RERE: variants seen among roughly 807,000 people sequenced by gnomAD.
RERE encodes arginine-glutamic acid dipeptide repeats protein.
In RERE, 40 loss-of-function variants were observed where a neutral mutation model predicts 146.1. The ratio of observed to expected loss-of-function variants is 0.27; its 90% CI spans 0.21 to 0.36. The LOEUF is 0.36. Ranked by LOEUF, RERE falls within the 10% of genes least tolerant of loss-of-function variation. RERE has a pLI of 1.00. For synonymous variants in RERE, 1,003 were observed against 866.0 expected, an observed-to-expected ratio of 1.16 and a Z score of -2.78; for missense variants, 1,933 against 2,138.7, an observed-to-expected ratio of 0.90 and a Z score of 1.90.
chr1:8,399,764 G>A lies in RERE; in HGVS notation c.1284+22963C>T, dbSNP rs951901497. Among the ~76,000 whole-genome samples the A allele has an allele frequency of 5.3e-5, 8 of 150,978 alleles. No homozygotes were observed. In the East Asian group the frequency reaches 5.8e-4, roughly 11 times the overall value. ...GCGCATCATCTCTCCATTTATCTAC[G>A]TCTTTTTTTTAGGTCTTTTAATATT... On this transcript the variant is annotated intron_variant, in intron 12 of 22. Transcript: ENST00000400908.
chr1:8,449,064 G>A (rs949785411), intron 11 of RERE, among the ~76,000 whole-genome samples: 3 of 152,186 alleles, frequency 2.0e-5, no homozygotes, highest in Non-Finnish European at 2.9e-5. Context: ...TTCTTCCCAG[G>A]CTGGTGGAAG....
Position 8,360,263 on chromosome 1 carries a change from C to A in RERE, c.3244G>T (p.Gly1082Trp), listed in dbSNP as rs1363529168. 6.4e-7 allele frequency: 1 copy of A among 1,572,948 alleles called. No individual in the cohort carries two copies. Among genetic ancestry groups the A allele is most frequent in the Non-Finnish European group, 8.6e-7 (1 of 1,160,516 alleles). Residue 1082 changes from glycine to tryptophan, a missense_variant, in exon 18 of 23, where the codon GGG becomes TGG. By Grantham distance (184) the Gly-to-Trp change is radical (BLOSUM62 -2). Transcript: ENST00000400908. ...GTGGGGAGTGGGCAGGACGACCCCC[C>A]CGCTATGCTGCCTCCTGAAGCCGCC... ...GAAASGGSIA[G>W]GSSCPLPTVQ...
intron 1 of RERE, among the ~76,000 whole-genome samples, chr1:8,671,366 G>A (rs1256344198): frequency 6.6e-6 from 1 of 152,164 alleles, no homozygotes; most frequent in African/African-American, 2.4e-5. Context: ...GTCTACATAG[G>A]AAACGGGTGC....
At position 8,775,108 on chromosome 1, in the gene RERE, ACG is replaced by A. The variant is rs1203980035; in HGVS notation, c.-145+42050_-145+42051del. ...CCCAAGTAGCTGGGATTACAGGCGC[ACG>A]CCACCACGCCCGGCTAATTTTTGTA... On this transcript the variant is annotated intron_variant, in intron 1 of 22. Transcript: ENST00000400908. 2.6e-5 allele frequency among the ~76,000 whole-genome samples: 4 copies of A among 150,992 alleles called. No homozygotes were observed. The East Asian group carries it at 7.8e-4, about 30-fold the overall frequency.
At chr1:8,512,012 CTCTTTTTT>C (rs1557666427) in intron 7 of RERE, 1 of 57,336 alleles carries the variant, frequency 1.7e-5, no homozygotes, top group East Asian at 5.2e-4. Flanking sequence ...GTAGGAAACA[CTCTTTTTT>C]TTTTTTTTTT....
chr1:8,744,761 A>G (rs1045191199), intron 1 of RERE, among the ~76,000 whole-genome samples: 4 of 152,244 alleles, frequency 2.6e-5, no homozygotes, highest in African/African-American at 9.6e-5. Flanking sequence ...GGTAAGAGAC[A>G]AATAAAATAT....
intron 1 of RERE, among the ~76,000 whole-genome samples, chr1:8,711,779 A>G (rs1475718713): frequency 6.6e-6 from 1 of 152,222 alleles, no homozygotes. Context: ...ACCACAACTG[A>G]AATCAATATC....
chr1:8,526,564 T>C (rs1645573705), intron 7 of RERE, among the ~76,000 whole-genome samples: 1 of 151,872 alleles, frequency 6.6e-6, no homozygotes. Flanking sequence ...GTAGATGGTA[T>C]TGTGAGCAGG....
chr1:8,529,386 T>C (rs1257492661), intron 7 of RERE, among the ~76,000 whole-genome samples: 1 of 148,178 alleles, frequency 6.7e-6, no homozygotes, highest in African/African-American at 2.5e-5. Flanking sequence ...GGGTCCTAGG[T>C]TCACGCCATT....
intron 6 of RERE, among the ~76,000 whole-genome samples, chr1:8,547,872 C>T (rs1645884721): frequency 1.3e-5 from 2 of 152,176 alleles, no homozygotes; most frequent in Admixed American, 1.3e-4. Flanking sequence ...TGCACCCTGA[C>T]GTTCCCAATG....
rs1384295357 is a variant in RERE, at chr1:8,503,642, A to G, written c.879+4985T>C. On this transcript the variant is annotated intron_variant, in intron 8 of 22. Transcript: ENST00000400908. Reference sequence around the variant, plus strand: ...GTAGCAAAAGGATGTATATTATGTTATTATTTATCTAAGAAGGGGCAGAGG... The same window carrying G: ...GTAGCAAAAGGATGTATATTATGTTGTTATTTATCTAAGAAGGGGCAGAGG... Among the ~76,000 whole-genome samples the G allele has an allele frequency of 2.0e-5, 3 of 152,220 alleles. No individual in the cohort carries two copies. The East Asian group carries it at 5.8e-4, about 29-fold the overall frequency.
At chr1:8,744,024 G>A (rs1044185631) in intron 1 of RERE, among the ~76,000 whole-genome samples, 1 of 152,160 alleles carries the variant, frequency 6.6e-6, no homozygotes, top group Admixed American at 6.5e-5. Context: ...CACAGTAGGT[G>A]CTCAATAAAT....
chr1:8,735,564 A>T (rs1640178002), intron 1 of RERE, among the ~76,000 whole-genome samples: 1 of 152,026 alleles, frequency 6.6e-6, no homozygotes, highest in Non-Finnish European at 1.5e-5. Context: ...AGAGAATTCC[A>T]CCATATTCCA....
intron 1 of RERE, among the ~76,000 whole-genome samples, chr1:8,798,294 G>A (rs1641517629): frequency 6.6e-6 from 1 of 152,136 alleles, no homozygotes; most frequent in Non-Finnish European, 1.5e-5. Flanking sequence ...CTACCTGGGA[G>A]GCTGAGGCAA....
intron 11 of RERE, among the ~76,000 whole-genome samples, chr1:8,460,427 AAAG>A (rs142472947): frequency 0.16 from 24,853 of 152,124 alleles, 2,337 homozygotes; most frequent in Middle Eastern, 0.28. Context: ...GTCAATTTTG[AAAG>A]AAGGATTTTC....
chr1:8,814,710 AAAACTTTTTT>A (rs1260057662), intron 1 of RERE, among the ~76,000 whole-genome samples: 1 of 152,206 alleles, frequency 6.6e-6, no homozygotes, highest in Non-Finnish European at 1.5e-5. Flanking sequence ...AATGATACTA[AAAACTTTTTT>A]AAAAGACTGC....
intron 1 of RERE, among the ~76,000 whole-genome samples, chr1:8,691,195 C>T (rs1259318884): frequency 3.9e-5 from 6 of 152,084 alleles, no homozygotes; most frequent in African/African-American, 7.2e-5. Context: ...CGTGCCCGGC[C>T]GGCCAAAATT....
chr1:8,802,746 G>A (rs1641611596), intron 1 of RERE, among the ~76,000 whole-genome samples: 2 of 152,160 alleles, frequency 1.3e-5, no homozygotes, highest in African/African-American at 4.8e-5. Flanking sequence ...CATTTTGTAT[G>A]CCCTATTTTG....
At chr1:8,444,921 A>T (rs538964759) in intron 11 of RERE, among the ~76,000 whole-genome samples, 22 of 122,428 alleles carry the variant, frequency 1.8e-4, no homozygotes, top group South Asian at 1.6e-3. Context: ...TTCTTTATTT[A>T]AAAAAAAAAA....
Sources: allele counts gnomAD v4.1 joint callset (sites outside exome capture counted in the v4.1 genomes callset), GRCh38; gene constraint gnomAD v4.1.1; transcripts MANE v1.5; gene names NCBI Gene and HGNC (gene_info 2026-07-23, HGNC 2026-07-21).